TG: variants seen among roughly 807,000 people sequenced by gnomAD.
TG encodes the protein thyroid hormones.
TG carries 270 observed loss-of-function variants against 324.7 expected under a neutral mutation model. That is an observed-to-expected ratio of 0.83 (90% CI 0.75 to 0.92). The LOEUF is 0.92. TG is among the 40% of genes least tolerant of loss of function. The probability of loss-of-function intolerance (pLI) is 0.00; values close to 1 mark genes in which losing one functional copy is unlikely to be tolerated. For missense variants in TG, 3,591 were observed against 3,456.4 expected (o/e 1.04, Z -0.98); for synonymous variants, 1,401 against 1,327.0 (o/e 1.06, Z -1.21).
chr8:132,868,583 C>T (rs1398837450), intron 2 of TG, among the ~76,000 whole-genome samples: 1 of 152,160 alleles, frequency 6.6e-6, no homozygotes, highest in Non-Finnish European at 1.5e-5. Flanking sequence ...GCTTTGGGAC[C>T]TCTCCCTCCT....
intron 47 of TG, among the ~76,000 whole-genome samples, chr8:133,134,139 G>C (rs1383632216): frequency 6.6e-6 from 1 of 152,202 alleles, no homozygotes; most frequent in East Asian, 1.9e-4. Context: ...ACTGGGAATA[G>C]AGAGTAAACA....
At chr8:133,054,198 G>A (rs1266808745) in intron 41 of TG, among the ~76,000 whole-genome samples, 2 of 152,106 alleles carry the variant, frequency 1.3e-5, no homozygotes, top group South Asian at 2.1e-4. Context: ...AGAGCTCAGC[G>A]TTTGAATTCA....
chr8:133,009,544 T>A (rs1834317614), intron 35 of TG, among the ~76,000 whole-genome samples: 1 of 152,010 alleles, frequency 6.6e-6, no homozygotes, highest in African/African-American at 2.4e-5. Flanking sequence ...CTTTTTTTAA[T>A]GTAAAAAAGT....
intron 35 of TG, among the ~76,000 whole-genome samples, chr8:133,006,218 T>A (rs939398793): frequency 3.5e-4 from 53 of 152,248 alleles, no homozygotes; most frequent in African/African-American, 1.2e-3. Flanking sequence ...AACTCAGAAC[T>A]GTTTCTTCAC....
rs1184059589 is a variant in TG at position 132,967,939 on chromosome 8, T to G, written c.5832T>G (p.Pro1944=). 1 of 1,613,826 alleles carries G rather than the reference T, an allele frequency of 6.2e-7. No individual in the cohort carries two copies. The highest frequency in any genetic ancestry group is 1.1e-5 in the South Asian group (1 of 91,068). The change falls in exon 31 of 48, where the codon CCT becomes CCG. Residue 1944 remains proline (P), a synonymous_variant. Coordinates refer to ENST00000220616, the MANE Select transcript of TG (RefSeq NM_003235.5). ...CCCAGGGCTGCAGACTGATCCTGCC[T>G]CAGATGCCAAAGGCCCTGTTCCGGA... is the stretch of plus-strand genomic sequence containing the variant. ...SNAQGCRLIL[P]QMPKALFRKK...
At chr8:132,980,936 TA>T (rs11320050) in intron 34 of TG, among the ~76,000 whole-genome samples, 50,407 of 151,950 alleles carry the variant, frequency 0.33, 8,607 homozygotes, top group Non-Finnish European at 0.35. Context: ...TTAAATGAGA[TA>T]ACTGCATGCC....
chr8:133,023,237 T>C (rs907879130), intron 40 of TG, among the ~76,000 whole-genome samples: 2 of 152,198 alleles, frequency 1.3e-5, no homozygotes, highest in African/African-American at 4.8e-5. Flanking sequence ...TCTAGACTTA[T>C]GAAATGGGCA....
At chr8:133,100,024 G>A (rs916520284) in intron 43 of TG, among the ~76,000 whole-genome samples, 14 of 152,148 alleles carry the variant, frequency 9.2e-5, no homozygotes, top group African/African-American at 3.4e-4. Flanking sequence ...TCATGCAGAG[G>A]AAAATTCCAG....
At chr8:133,021,461 G>A (rs1369069062) in intron 39 of TG, among the ~76,000 whole-genome samples, 1 of 152,222 alleles carries the variant, frequency 6.6e-6, no homozygotes, top group Non-Finnish European at 1.5e-5. Flanking sequence ...TGGGAGAAGT[G>A]TCCTCACCTT....
In TG at chr8:132,946,037, TACACACACACACACACAC is replaced by T. The variant is rs5895165; in HGVS notation, c.5234-2720_5234-2703del. Among the ~76,000 whole-genome samples the T allele has an allele frequency of 6.0e-5, 7 of 116,872 alleles. No homozygotes were observed. The East Asian group carries it at 6.7e-4, about 11-fold the overall frequency. 76.7% of individuals were successfully genotyped at this position (116,872 alleles called of 152,430 possible). A position where few individuals can be genotyped will look rare whatever the true frequency, so the allele number is the denominator to read the frequency against. On this transcript the variant is annotated intron_variant, in intron 26 of 47. Transcript: ENST00000220616. ...TAGTGTTTAGATAGGAAAAATATGT[TACACACACACACACACAC>T]ACACACACACACACACACCCTATAT... is the stretch of plus-strand genomic sequence containing the variant.
chr8:132,964,881 G>A (rs1218928983), intron 29 of TG: 2 of 701,996 alleles, frequency 2.8e-6, no homozygotes, highest in East Asian at 2.7e-5. Flanking sequence ...AGCCTGCAGG[G>A]GCCAGGAAAG....
chr8:133,028,077 A>G (rs766810350), intron 40 of TG, among the ~76,000 whole-genome samples: 29 of 152,358 alleles, frequency 1.9e-4, no homozygotes, highest in Non-Finnish European at 3.1e-4. Flanking sequence ...TCTAGACCCC[A>G]GAAGTCAACA....
At chr8:132,929,919 C>A (rs1383979331) in intron 23 of TG, among the ~76,000 whole-genome samples, 1 of 151,990 alleles carries the variant, frequency 6.6e-6, no homozygotes, top group African/African-American at 2.4e-5. Flanking sequence ...GGTATACTGC[C>A]GAGGCTTGGG....
chr8:132,897,869 G>A, intron 12 of TG, 83 bp downstream of exon 12: 1 of 1,536,182 alleles, frequency 6.5e-7, no homozygotes, highest in Non-Finnish European at 9.0e-7. Flanking sequence ...TGGGAGGCAA[G>A]TGAGCTGGAC....
chr8:133,092,883 AG>A (rs1847790538), intron 41 of TG, among the ~76,000 whole-genome samples: 3 of 152,250 alleles, frequency 2.0e-5, no homozygotes, highest in Non-Finnish European at 4.4e-5. Flanking sequence ...AAATACTTTA[AG>A]AGAAAGAAAC....
chr8:132,983,594 G>A (rs1831173698), intron 35 of TG, 182 bp downstream of exon 35: 3 of 664,102 alleles, frequency 4.5e-6, no homozygotes, highest in African/African-American at 3.6e-5. Context: ...CCACTTTGCA[G>A]ATGAGAAAAT....
chr8:133,042,776 CT>C (rs1480725363), intron 41 of TG, among the ~76,000 whole-genome samples: 15 of 144,410 alleles, frequency 1.0e-4, no homozygotes, highest in Non-Finnish European at 1.5e-5. Flanking sequence ...TCACTGCAAC[CT>C]CTGCCTCCTG....
intron 45 of TG, among the ~76,000 whole-genome samples, chr8:133,129,373 A>T (rs570423030): frequency 1.3e-5 from 2 of 152,262 alleles, no homozygotes; most frequent in African/African-American, 4.8e-5. Flanking sequence ...GGTGGTACAC[A>T]TTGCTTCCCA....
In TG at chr8:132,893,747, A is replaced by C. The variant is rs200208174; in HGVS notation, c.2819A>C (p.Glu940Ala). 2.6e-4 allele frequency: 415 copies of C among 1,613,762 alleles called. No individual in the cohort carries two copies. Among genetic ancestry groups the C allele is most frequent in the Non-Finnish European group, 3.4e-4 (397 of 1,179,894 alleles). ...GTACTGCAGTTCATTAGGGAAACGG[A>C]AGAGATTGTTTCAGCTTCCAACAGT... ...LRVLQFIRET[E>A]EIVSASNSSR... The change falls in exon 11 of 48, where the codon GAA becomes GCA. Residue 940 changes from glutamate (E) to alanine (A), a missense_variant. By Grantham distance (107) the Glu-to-Ala change is moderately radical. Coordinates refer to ENST00000220616, the MANE Select transcript of TG (RefSeq NM_003235.5).
Sources: gnomAD v4.1 joint callset for allele counts (sites outside exome capture counted in the v4.1 genomes callset) on GRCh38, gnomAD v4.1.1 for gene constraint, MANE v1.5 for transcripts, NCBI Gene and HGNC (gene_info 2026-07-23, HGNC 2026-07-21) for gene names.